Variants in RBFOX1 observed in about 807,000 individuals in gnomAD.
RBFOX1 encodes RNA binding protein fox-1 homolog 1.
A neutral mutation model predicts 57.7 loss-of-function variants in RBFOX1; 8 were observed. That is an observed-to-expected ratio of 0.14 (90% CI 0.08 to 0.25). RBFOX1 has a LOEUF of 0.25. Ranked by LOEUF, RBFOX1 falls within the 10% of genes least tolerant of loss-of-function variation. RBFOX1 has a pLI of 1.00. For missense variants in RBFOX1, 611 were observed against 548.5 expected (o/e 1.11, Z -1.14); for synonymous variants, 326 against 222.4 (o/e 1.47, Z -4.15).
chr16:6,813,736 T>A (rs12933284), intron 3 of RBFOX1, among the ~76,000 whole-genome samples: 53,534 of 152,036 alleles, frequency 0.35, 10,424 homozygotes, highest in Non-Finnish European at 0.44. Flanking sequence ...TGTCCCTAGT[T>A]ATAAAATCAA....
chr16:5,966,490 C>T (rs1047675639), intron 4 of RBFOX1, among the ~76,000 whole-genome samples: 1 of 152,182 alleles, frequency 6.6e-6, no homozygotes, highest in African/African-American at 2.4e-5. Flanking sequence ...TAGAGTCTTA[C>T]TCAGTCCCCC....
At chr16:5,662,845 C>A (rs1306916933) in intron 3 of RBFOX1, among the ~76,000 whole-genome samples, 4 of 152,164 alleles carry the variant, frequency 2.6e-5, no homozygotes, top group Non-Finnish European at 4.4e-5. Context: ...TCCTTATCTG[C>A]ATAATGAGAA....
At chr16:5,550,922 A>T (rs2045436736) in intron 2 of RBFOX1, among the ~76,000 whole-genome samples, 1 of 152,164 alleles carries the variant, frequency 6.6e-6, no homozygotes, top group Non-Finnish European at 1.5e-5. Context: ...CCACATACAG[A>T]GTCTTGGAAA....
intron 3 of RBFOX1, among the ~76,000 whole-genome samples, chr16:5,650,605 G>A (rs74392085): frequency 0.027 from 4,073 of 152,288 alleles, 198 homozygotes; most frequent in African/African-American, 0.093. Context: ...AAGCAAAACT[G>A]CCTTAGTTCT....
intron 5 of RBFOX1, among the ~76,000 whole-genome samples, chr16:7,568,243 T>C (rs943725531): frequency 1.2e-4 from 19 of 152,208 alleles, no homozygotes; most frequent in African/African-American, 4.6e-4. Flanking sequence ...TGCCTGTTTT[T>C]ATGATTATTT....
intron 4 of RBFOX1, among the ~76,000 whole-genome samples, chr16:7,164,478 G>A (rs548833301): frequency 3.3e-5 from 5 of 152,266 alleles, no homozygotes; most frequent in East Asian, 3.9e-4. Flanking sequence ...TGGGTGAATA[G>A]CCAGTAGTGG....
At chr16:5,655,725 C>A (rs910225803) in intron 3 of RBFOX1, among the ~76,000 whole-genome samples, 6 of 152,062 alleles carry the variant, frequency 3.9e-5, no homozygotes, top group Non-Finnish European at 5.9e-5. Context: ...TTGAGAAGGT[C>A]GAAGTGGAAA....
intron 3 of RBFOX1, among the ~76,000 whole-genome samples, chr16:6,837,998 G>T (rs948843761): frequency 1.5e-5 from 2 of 134,420 alleles, no homozygotes; most frequent in Admixed American, 7.3e-5. Flanking sequence ...ATACTGGGAA[G>T]TTACCACCCC....
At chr16:5,690,411 G>T (rs2050638224) in intron 3 of RBFOX1, among the ~76,000 whole-genome samples, 1 of 152,136 alleles carries the variant, frequency 6.6e-6, no homozygotes, top group Non-Finnish European at 1.5e-5. Flanking sequence ...CAGTGAATCT[G>T]TTTACAGCTC....
intron 4 of RBFOX1, among the ~76,000 whole-genome samples, chr16:5,876,874 C>T (rs894270826): frequency 6.6e-6 from 1 of 152,028 alleles, no homozygotes; most frequent in Non-Finnish European, 1.5e-5. Context: ...TTATCAATGG[C>T]AAAAGGAGAG....
chr16:6,366,067 G>A (rs1351647777), intron 2 of RBFOX1, among the ~76,000 whole-genome samples: 2 of 149,060 alleles, frequency 1.3e-5, no homozygotes, highest in Non-Finnish European at 3.0e-5. Flanking sequence ...GTCTCTGGTC[G>A]AGAATGGTGG....
chr16:5,722,610 G>C (rs2051977300), intron 3 of RBFOX1, among the ~76,000 whole-genome samples: 1 of 152,128 alleles, frequency 6.6e-6, no homozygotes, highest in Admixed American at 6.5e-5. Flanking sequence ...TTTTGAGTAA[G>C]TCCCCACGGT....
At chr16:6,261,173 G>A (rs2097699347) in intron 1 of RBFOX1, among the ~76,000 whole-genome samples, 1 of 152,160 alleles carries the variant, frequency 6.6e-6, no homozygotes, top group South Asian at 2.1e-4. Context: ...ACAGATGACT[G>A]CAAGGAGTTT....
intron 4 of RBFOX1, among the ~76,000 whole-genome samples, chr16:7,192,853 T>C (rs2085765334): frequency 6.6e-6 from 1 of 152,218 alleles, no homozygotes; most frequent in Admixed American, 6.5e-5. Flanking sequence ...ATACGGAAGA[T>C]GAAGTCCGAG....
rs569839352 is a variant in RBFOX1 at position 7,661,046 on chromosome 16, T to C, written c.891-3883T>C. Among the ~76,000 whole-genome samples, 156 of 152,312 alleles carry C rather than the reference T, an allele frequency of 1.0e-3. 1 individual carries two copies. The highest frequency in any genetic ancestry group is 3.5e-3 in the African/African-American group (146 of 41,570). ...AAAGGCTAGACTAGGGACTGATCCA[T>C]GGTAAGTGTTCTGCAAATGTGAGTA... is the stretch of plus-strand genomic sequence containing the variant. On this transcript the variant is annotated intron_variant, in intron 12 of 15. Transcript: ENST00000550418.
At chr16:6,969,806 T>C (rs1449911602) in intron 3 of RBFOX1, among the ~76,000 whole-genome samples, 2 of 152,024 alleles carry the variant, frequency 1.3e-5, no homozygotes, top group African/African-American at 4.8e-5. Context: ...CCTTCAGTTG[T>C]GTTGCCTCAT....
chr16:6,938,374 A>C (rs375787261), intron 3 of RBFOX1, among the ~76,000 whole-genome samples: 26 of 152,326 alleles, frequency 1.7e-4, no homozygotes, highest in Middle Eastern at 3.4e-3. Context: ...AGCACAGCAC[A>C]TAGAGCATTA....
chr16:7,257,848 C>CAATTAAA (rs2094758934), intron 4 of RBFOX1, among the ~76,000 whole-genome samples: 3 of 152,174 alleles, frequency 2.0e-5, no homozygotes, highest in South Asian at 4.1e-4. Context: ...ATTGGAAGTC[C>CAATTAAA]TTGCATTCTG....
rs2098551285 is a variant in RBFOX1, at chr16:6,648,438, TG to T, written c.-63-6164del. ...TCCTCATACTCCCCTTATGTGCGGA[TG>T]AGGGAAATTTGCTGAAGGACCGCAT... On this transcript the variant is annotated intron_variant, in intron 2 of 15. Coordinates refer to ENST00000550418, the MANE Select transcript of RBFOX1 (RefSeq NM_018723.4). 4.6e-5 allele frequency among the ~76,000 whole-genome samples: 7 copies of T among 152,220 alleles called. No homozygotes were observed. The South Asian group carries it at 1.5e-3, about 32-fold the overall frequency.
Sources: allele counts gnomAD v4.1 joint callset (sites outside exome capture counted in the v4.1 genomes callset), GRCh38; gene constraint gnomAD v4.1.1; transcripts MANE v1.5; gene names NCBI Gene and HGNC (gene_info 2026-07-23, HGNC 2026-07-21).